Variants in SOBP observed in about 807,000 individuals in gnomAD.
SOBP encodes the protein sine oculis-binding protein homolog.
A neutral mutation model predicts 53.6 loss-of-function variants in SOBP; 4 were observed. The ratio of observed to expected loss-of-function variants is 0.07; its 90% CI spans 0.04 to 0.17. SOBP has a LOEUF of 0.17. Among genes scored for constraint, SOBP ranks in the 10% least tolerant of loss-of-function variants. SOBP has a pLI of 1.00. For missense variants in SOBP, 1,088 were observed against 1,204.7 expected (o/e 0.90, Z 1.43); for synonymous variants, 584 against 522.6 (o/e 1.12, Z -1.60).
chr6:107,594,512 A>G (rs1257748246), intron 5 of SOBP, among the ~76,000 whole-genome samples: 1 of 152,126 alleles, frequency 6.6e-6, no homozygotes. Context: ...AAAACTCTCT[A>G]CATGGTCCCA....
intron 5 of SOBP, among the ~76,000 whole-genome samples, chr6:107,609,855 T>G (rs1339262067): frequency 6.6e-6 from 1 of 152,120 alleles, no homozygotes; most frequent in Non-Finnish European, 1.5e-5. Flanking sequence ...GTCACGATCT[T>G]AAAGTGCTAC....
chr6:107,549,940 G>A (rs900546647), intron 4 of SOBP, among the ~76,000 whole-genome samples: 4 of 152,166 alleles, frequency 2.6e-5, no homozygotes, highest in African/African-American at 7.2e-5. Context: ...TAACCCAGCT[G>A]TGCATGGGAG....
At chr6:107,570,258 C>T (rs868243055) in intron 4 of SOBP, among the ~76,000 whole-genome samples, 71 of 152,152 alleles carry the variant, frequency 4.7e-4, no homozygotes, top group Admixed American at 3.9e-4. Context: ...GAACATCTTT[C>T]ATGATGAGAT....
chr6:107,650,906 G>A (rs1471015468), intron 6 of SOBP, among the ~76,000 whole-genome samples: 7 of 152,188 alleles, frequency 4.6e-5, no homozygotes, highest in Admixed American at 4.6e-4. Context: ...CAGGCCAAAA[G>A]CAAGGCTACT....
intron 4 of SOBP, among the ~76,000 whole-genome samples, chr6:107,582,455 C>T (rs1446906616): frequency 6.6e-6 from 1 of 151,738 alleles, no homozygotes; most frequent in Non-Finnish European, 1.5e-5. Context: ...TAATATTTAT[C>T]TAAATGTTAG....
intron 4 of SOBP, among the ~76,000 whole-genome samples, chr6:107,555,839 T>C (rs1228277789): frequency 6.6e-6 from 1 of 152,234 alleles, no homozygotes; most frequent in East Asian, 1.9e-4. Flanking sequence ...AGAATTGTCT[T>C]CTTACCAAGA....
In SOBP at chr6:107,567,290, T is replaced by G. The variant is rs377007268; in HGVS notation, c.574-19790T>G. On this transcript the variant is annotated intron_variant, in intron 4 of 6. Coordinates refer to ENST00000317357, the MANE Select transcript of SOBP (RefSeq NM_018013.4). Reference sequence around the variant, plus strand: ...AGTGTGGAATTGAAAGATGGACATATCTTTAAAAATTATTAAAAATCCTTA... The same window carrying G: ...AGTGTGGAATTGAAAGATGGACATAGCTTTAAAAATTATTAAAAATCCTTA... Among the ~76,000 whole-genome samples, 7 of 152,242 alleles carry G rather than the reference T, an allele frequency of 4.6e-5. No individual in the cohort carries two copies. In the East Asian group the frequency reaches 9.6e-4, roughly 21 times the overall value.
intron 4 of SOBP, among the ~76,000 whole-genome samples, chr6:107,558,646 G>T (rs1286171774): frequency 6.6e-6 from 1 of 151,808 alleles, no homozygotes; most frequent in Non-Finnish European, 1.5e-5. Context: ...CTAGAATGAG[G>T]CAGGGAGGGT....
intron 4 of SOBP, among the ~76,000 whole-genome samples, chr6:107,553,298 T>TTTTTATTTA: frequency 7.2e-6 from 1 of 139,430 alleles, no homozygotes; most frequent in East Asian, 2.1e-4. Flanking sequence ...CTTATTATTA[T>TTTTTATTTA]TTTATTTATT....
intron 3 of SOBP, among the ~76,000 whole-genome samples, chr6:107,525,880 C>T (rs1052030799): frequency 2.0e-5 from 3 of 152,208 alleles, no homozygotes; most frequent in Admixed American, 1.3e-4. Context: ...CTAGTCTCTC[C>T]AAATTCTGAT....
At chr6:107,520,477 G>A (rs756918508) in intron 3 of SOBP, among the ~76,000 whole-genome samples, 2 of 152,170 alleles carry the variant, frequency 1.3e-5, no homozygotes, top group Non-Finnish European at 2.9e-5. Context: ...GACACAATCT[G>A]ATCATGGATT....
intron 6 of SOBP, among the ~76,000 whole-genome samples, chr6:107,655,937 A>C (rs1205071101): frequency 1.3e-5 from 2 of 152,232 alleles, no homozygotes; most frequent in Admixed American, 6.5e-5. Context: ...AGCATCCCTA[A>C]GTAAGCAATT....
intron 1 of SOBP, among the ~76,000 whole-genome samples, chr6:107,502,645 A>G (rs903082283): frequency 3.3e-5 from 5 of 152,192 alleles, no homozygotes; most frequent in Admixed American, 3.3e-4. Context: ...AGTAACTTTA[A>G]AGTTATTTGG....
At chr6:107,567,787 G>A (rs1784960261) in intron 4 of SOBP, among the ~76,000 whole-genome samples, 1 of 152,196 alleles carries the variant, frequency 6.6e-6, no homozygotes, top group African/African-American at 2.4e-5. Flanking sequence ...GTAGAAAGCA[G>A]CTGCTTATAC....
At chr6:107,528,613 C>T (rs940681298) in intron 3 of SOBP, among the ~76,000 whole-genome samples, 20 of 152,330 alleles carry the variant, frequency 1.3e-4, no homozygotes, top group African/African-American at 4.3e-4. Context: ...GAAAATCAAT[C>T]AACAAATATT....
At position 107,539,155 on chromosome 6, in the gene SOBP, G is replaced by C. The variant is rs138105313; in HGVS notation, c.573+5545G>C. On this transcript the variant is annotated intron_variant, in intron 4 of 6. Coordinates refer to ENST00000317357, the MANE Select transcript of SOBP (RefSeq NM_018013.4). ...AACACAGCATGGGGCAAGTAGGTTT[G>C]TACTGAAAGGAACAGCAACCACTTC... is the stretch of plus-strand genomic sequence containing the variant. Among the ~76,000 whole-genome samples, 317 of 152,318 alleles carry C rather than the reference G, an allele frequency of 2.1e-3. 1 individual carries two copies. Among genetic ancestry groups the C allele is most frequent in the Non-Finnish European group, 2.9e-3 (194 of 68,032 alleles).
intron 5 of SOBP, among the ~76,000 whole-genome samples, chr6:107,590,297 G>C (rs1305718342): frequency 6.6e-6 from 1 of 152,164 alleles, no homozygotes; most frequent in Non-Finnish European, 1.5e-5. Flanking sequence ...GAGGAACATT[G>C]AGAGGGTTTT....
At chr6:107,562,601 A>G (rs554454763) in intron 4 of SOBP, among the ~76,000 whole-genome samples, 9 of 152,326 alleles carry the variant, frequency 5.9e-5, no homozygotes, top group African/African-American at 1.4e-4. Context: ...TAATAAAATC[A>G]GAAGTGTTTT....
At chr6:107,565,297 GTTC>G (rs1784883030) in intron 4 of SOBP, among the ~76,000 whole-genome samples, 1 of 152,176 alleles carries the variant, frequency 6.6e-6, no homozygotes, top group African/African-American at 2.4e-5. Context: ...GTCCCATTGA[GTTC>G]TTCTGTCTCC....
Sources: gnomAD v4.1 joint callset for allele counts (sites outside exome capture counted in the v4.1 genomes callset) on GRCh38, gnomAD v4.1.1 for gene constraint, MANE v1.5 for transcripts, NCBI Gene and HGNC (gene_info 2026-07-23, HGNC 2026-07-21) for gene names.